ANK3: variants seen among roughly 807,000 people sequenced by gnomAD.
ANK3 encodes the protein ankyrin-3.
A neutral mutation model predicts 370.9 loss-of-function variants in ANK3; 57 were observed. The ratio of observed to expected loss-of-function variants is 0.15; its 90% CI spans 0.12 to 0.19. The LOEUF is 0.19. ANK3 is among the 10% of genes least tolerant of loss of function. ANK3 has a pLI of 1.00. For missense variants in ANK3, 4,439 were observed against 5,302.1 expected (o/e 0.84, Z 5.06); for synonymous variants, 1,929 against 1,946.3 (o/e 0.99, Z 0.23).
chr10:60,134,248 G>C lies in ANK3; in HGVS notation c.2841+23C>G, dbSNP rs373060181. 1.4e-5 allele frequency: 22 copies of C among 1,575,468 alleles called. No individual in the cohort carries two copies. In the African/African-American group the frequency reaches 2.4e-4, roughly 17 times the overall value. ...ACAAATGTAAGTTTAATGGTCAAAG[G>C]CTATTTTGAAAAGAATGCATACCTG... On this transcript the variant is annotated intron_variant, in intron 25 of 43. Coordinates refer to ENST00000280772, the MANE Select transcript of ANK3 (RefSeq NM_020987.5).
At chr10:60,415,693 A>G (rs1427962265) in intron 2 of ANK3, among the ~76,000 whole-genome samples, 1 of 152,068 alleles carries the variant, frequency 6.6e-6, no homozygotes, top group African/African-American at 2.4e-5. Context: ...ATTTTTTGTG[A>G]CCAAAAGTGG....
intron 1 of ANK3, among the ~76,000 whole-genome samples, chr10:60,306,518 A>G (rs991629225): frequency 1.3e-5 from 2 of 151,612 alleles, no homozygotes; most frequent in South Asian, 4.2e-4. Context: ...GCAATTGTGA[A>G]TCGTGCTGAT....
At chr10:60,428,359 ACTC>A (rs2063936154) in intron 2 of ANK3, among the ~76,000 whole-genome samples, 1 of 152,080 alleles carries the variant, frequency 6.6e-6, no homozygotes, top group South Asian at 2.1e-4. Flanking sequence ...TGAAAACACA[ACTC>A]CTCATTTTAC....
At chr10:60,236,039 C>G (rs1333801459) in intron 7 of ANK3, among the ~76,000 whole-genome samples, 2 of 152,134 alleles carry the variant, frequency 1.3e-5, no homozygotes, top group African/African-American at 2.4e-5. Context: ...ATGAAAAGTT[C>G]CAACATACAC....
In ANK3 at chr10:60,141,561, G is replaced by GTTTTT. The variant is rs36033791; in HGVS notation, c.2615-2479_2615-2475dup. Among the ~76,000 whole-genome samples the GTTTTT allele has an allele frequency of 3.3e-3, 164 of 48,968 alleles. 14 individuals carry two copies. Among genetic ancestry groups the GTTTTT allele is most frequent in the South Asian group, 0.012 (12 of 1,032 alleles). The allele number at this position is 48,968 out of a possible 152,430, so 32.1% of individuals were successfully genotyped here. The stretch of plus-strand genomic sequence containing the variant: ...CACTGGAGAGGCCATTTCAATTGCT[G>GTTTTT]TTTTTTTTTTTTTTTTTTTTTTTTT... On this transcript the variant is annotated intron_variant, in intron 23 of 43. Coordinates refer to ENST00000280772, the MANE Select transcript of ANK3 (RefSeq NM_020987.5).
At chr10:60,298,673 T>C (rs1315351191) in intron 1 of ANK3, among the ~76,000 whole-genome samples, 1 of 152,216 alleles carries the variant, frequency 6.6e-6, no homozygotes, top group African/African-American at 2.4e-5. Context: ...TGGGCTGAGA[T>C]CAAATGCTTT....
intron 1 of ANK3, among the ~76,000 whole-genome samples, chr10:60,645,263 A>T (rs2078695376): frequency 6.6e-6 from 1 of 152,200 alleles, no homozygotes; most frequent in Admixed American, 6.5e-5. Flanking sequence ...TTCTATTAAA[A>T]AATTATTGAT....
intron 2 of ANK3, among the ~76,000 whole-genome samples, chr10:60,478,432 T>C (rs575278980): frequency 6.6e-6 from 1 of 152,244 alleles, no homozygotes; most frequent in African/African-American, 2.4e-5. Flanking sequence ...GAATGACTAA[T>C]GGAACTTTGT....
At chr10:60,527,554 A>T (rs1245498106) in intron 2 of ANK3, among the ~76,000 whole-genome samples, 1 of 152,144 alleles carries the variant, frequency 6.6e-6, no homozygotes, top group Non-Finnish European at 1.5e-5. Context: ...TTCTGAAAGT[A>T]TTACTAAAAG....
At chr10:60,173,268 A>C (rs1283369519) in intron 18 of ANK3, 82 bp from the exon 19 acceptor site, 1 of 1,112,138 alleles carries the variant, frequency 9.0e-7, no homozygotes, top group Non-Finnish European at 1.3e-6. Context: ...CAAAATCATT[A>C]TTTAACCTTT....
Position 60,219,108 on chromosome 10 carries a change from C to T in ANK3, c.898-5598G>A, listed in dbSNP as rs564593019. On this transcript the variant is annotated intron_variant, in intron 8 of 43. Coordinates refer to ENST00000280772, the MANE Select transcript of ANK3 (RefSeq NM_020987.5). The stretch of plus-strand genomic sequence containing the variant: ...TTGTATATGCTTCATGAAGTTCTCA[C>T]GCTGTGTTTTTCAGCTCCATGAGGT... Among the ~76,000 whole-genome samples the T allele has an allele frequency of 3.0e-3, 449 of 151,874 alleles. 2 individuals are homozygous for T. The highest frequency in any genetic ancestry group is 0.01 in the African/African-American group (430 of 41,458).
rs372920896 is a variant in ANK3 at position 60,071,413 on chromosome 10, T to G, written c.9468A>C (p.Val3156=). The change falls in exon 37 of 44, where the codon GTA becomes GTC. Residue 3156 remains valine, a synonymous_variant. Transcript: ENST00000280772. Reference sequence around the variant, plus strand: ...TTTTCCCAGAGCTGTCTAGAAAGGATACTTGCTCTAGAGTATCATCTTCTG... The same window carrying G: ...TTTTCCCAGAGCTGTCTAGAAAGGAGACTTGCTCTAGAGTATCATCTTCTG... The part of the protein sequence containing the change: ...GSPEDDTLEQ[V]SFLDSSGKSP... The G allele has an allele frequency of 4.6e-5, 75 of 1,614,014 alleles. No homozygotes were observed. Among genetic ancestry groups the G allele is most frequent in the Non-Finnish European group, 6.3e-5 (74 of 1,180,012 alleles).
At position 60,069,284 on chromosome 10, in the gene ANK3, G is replaced by A; in HGVS notation, c.11597C>T (p.Pro3866Leu). The A allele has an allele frequency of 6.2e-7, 1 of 1,614,038 alleles. No individual in the cohort carries two copies. Among genetic ancestry groups the A allele is most frequent in the African/African-American group, 1.3e-5 (1 of 75,004 alleles). Residue 3866 changes from proline to leucine, a missense_variant, in exon 37 of 44, where the codon CCC becomes CTC. Pro to Leu is a moderately conservative substitution (Grantham distance 98, BLOSUM62 -3). Around this residue, in one of 13 missense-constraint regions of ANK3, gnomAD observed 496 missense variants for 529.3 expected, o/e 0.94. Coordinates refer to ENST00000280772, the MANE Select transcript of ANK3 (RefSeq NM_020987.5). ...ATCTTTTGGTGAAGTGGCCTTTATG[G>A]GAAGTTTGGATTTTTGCCTAATCCC... ...LIGIRQKSKL[P>L]IKATSPKDTF...
At chr10:60,681,352 G>A (rs1442277229) in intron 1 of ANK3, among the ~76,000 whole-genome samples, 2 of 152,138 alleles carry the variant, frequency 1.3e-5, no homozygotes, top group Non-Finnish European at 2.9e-5. Context: ...ATTTCCTGAG[G>A]TGCCCTTGCG....
intron 12 of ANK3, among the ~76,000 whole-genome samples, chr10:60,200,609 C>A (rs1286297728): frequency 6.7e-6 from 1 of 148,888 alleles, no homozygotes; most frequent in African/African-American, 2.4e-5. Flanking sequence ...CAACCCCCCA[C>A]CCCACACCCC....
chr10:60,675,869 C>G (rs1034341285), intron 1 of ANK3, among the ~76,000 whole-genome samples: 5 of 152,092 alleles, frequency 3.3e-5, no homozygotes, highest in Admixed American at 2.6e-4. Flanking sequence ...CACTTCTCTA[C>G]ACATTTGGGG....
intron 2 of ANK3, among the ~76,000 whole-genome samples, chr10:60,441,776 A>G (rs951915712): frequency 6.6e-6 from 1 of 152,208 alleles, no homozygotes; most frequent in African/African-American, 2.4e-5. Context: ...AGATTTTTAT[A>G]TATGGTAAGC....
intron 1 of ANK3, among the ~76,000 whole-genome samples, chr10:60,327,159 T>C (rs1435287717): frequency 6.6e-6 from 1 of 152,180 alleles, no homozygotes; most frequent in Non-Finnish European, 1.5e-5. Context: ...GATTCAAGTG[T>C]GGCATCAATG....
intron 1 of ANK3, among the ~76,000 whole-genome samples, chr10:60,671,638 T>C (rs1047685805): frequency 6.6e-6 from 1 of 152,220 alleles, no homozygotes; most frequent in Non-Finnish European, 1.5e-5. Flanking sequence ...TTCACTATTG[T>C]ACCCCAGTAT....
Sources: allele counts gnomAD v4.1 joint callset (sites outside exome capture counted in the v4.1 genomes callset), GRCh38; gene constraint gnomAD v4.1.1; regional missense constraint gnomAD v4.1.1; transcripts MANE v1.5; gene names NCBI Gene and HGNC (gene_info 2026-07-23, HGNC 2026-07-21).